Variants in PHKB observed in about 807,000 individuals in gnomAD.
PHKB encodes phosphorylase b kinase regulatory subunit beta.
In PHKB, 122 loss-of-function variants were observed where a neutral mutation model predicts 152.1. That is an observed-to-expected ratio of 0.80 (90% CI 0.69 to 0.93). PHKB has a LOEUF of 0.93. Among genes scored for constraint, PHKB ranks in the 40% least tolerant of loss-of-function variants. PHKB has a pLI of 0.00. For synonymous variants in PHKB, 436 were observed against 464.9 expected (o/e 0.94, Z 0.80); for missense variants, 1,304 against 1,328.4 (o/e 0.98, Z 0.29).
At chr16:47,600,808 G>A (rs910132804) in intron 13 of PHKB, among the ~76,000 whole-genome samples, 1 of 152,166 alleles carries the variant, frequency 6.6e-6, no homozygotes, top group African/African-American at 2.4e-5. Flanking sequence ...TAATCTTATG[G>A]GACATCTTTA....
intron 6 of PHKB, among the ~76,000 whole-genome samples, chr16:47,546,052 G>A (rs1024667793): frequency 5.3e-5 from 8 of 152,186 alleles, no homozygotes; most frequent in South Asian, 4.1e-4. Context: ...CCGTTAGCTC[G>A]GATAATTTTG....
At chr16:47,682,170 C>T (rs919349858) in intron 26 of PHKB, among the ~76,000 whole-genome samples, 1 of 152,196 alleles carries the variant, frequency 6.6e-6, no homozygotes, top group East Asian at 1.9e-4. Context: ...GTTACCCGAC[C>T]TTTCTCTCTG....
intron 7 of PHKB, among the ~76,000 whole-genome samples, chr16:47,570,320 C>G (rs1335763916): frequency 6.6e-6 from 1 of 152,184 alleles, no homozygotes; most frequent in Non-Finnish European, 1.5e-5. Flanking sequence ...ATTTGGATGT[C>G]TAAATCTCTA....
Position 47,629,991 on chromosome 16 carries a change from A to G in PHKB, c.1459-11044A>G, listed in dbSNP as rs201895064. Among the ~76,000 whole-genome samples the G allele has an allele frequency of 2.1e-5, 3 of 141,446 alleles. No homozygotes were observed. In the East Asian group the frequency reaches 6.6e-4, roughly 31 times the overall value. The allele number at this position is 141,446 out of a possible 152,430, so 92.8% of individuals were successfully genotyped here. A position where few individuals can be genotyped will look rare whatever the true frequency, so the allele number is the denominator to read the frequency against. ...CTGAACAATGAGAACACATGGACAC[A>G]GGAAGGGGAACATCACACTCTGGGG... is the stretch of plus-strand genomic sequence containing the variant. On this transcript the variant is annotated intron_variant, in intron 14 of 30. Transcript: ENST00000323584.
intron 26 of PHKB, among the ~76,000 whole-genome samples, chr16:47,671,499 T>C (rs139685690): frequency 6.6e-6 from 1 of 152,340 alleles, no homozygotes. Flanking sequence ...ATATTTACCA[T>C]GCTTTCTTAT....
At chr16:47,481,885 C>T (rs1282492739) in intron 1 of PHKB, among the ~76,000 whole-genome samples, 2 of 152,118 alleles carry the variant, frequency 1.3e-5, no homozygotes, top group Admixed American at 6.5e-5. Context: ...TTTCCATGAC[C>T]TTTTAGCTAT....
At position 47,566,810 on chromosome 16, in the gene PHKB, T is replaced by C. The variant is rs545504767; in HGVS notation, c.711-13485T>C. The C allele has an allele frequency of 1.7e-5, 12 of 725,526 alleles. No individual in the cohort carries two copies. In the Admixed American group the frequency reaches 1.7e-4, roughly 11 times the overall value. 44.9% of individuals were successfully genotyped at this position (725,526 alleles called of 1,614,324 possible). On this transcript the variant is annotated intron_variant, in intron 7 of 30. Coordinates refer to ENST00000323584, the MANE Select transcript of PHKB (RefSeq NM_000293.3). ...CTGGTTTGGAAACATAAGTGCTTCC[T>C]CCACCAGTCCCTCCATCCTCAGCCA... is the stretch of plus-strand genomic sequence containing the variant.
At chr16:47,498,104 C>G (rs1338678095) in intron 2 of PHKB, among the ~76,000 whole-genome samples, 1 of 152,098 alleles carries the variant, frequency 6.6e-6, no homozygotes, top group Non-Finnish European at 1.5e-5. Context: ...TTTACTTGTA[C>G]TAGGATGGCA....
At chr16:47,558,777 G>A (rs1249126556) in intron 7 of PHKB, among the ~76,000 whole-genome samples, 1 of 152,214 alleles carries the variant, frequency 6.6e-6, no homozygotes, top group Non-Finnish European at 1.5e-5. Context: ...TTGAGCCCCT[G>A]ACCTCAAGTG....
chr16:47,692,835 A>C (rs1185886178), intron 27 of PHKB, among the ~76,000 whole-genome samples: 1 of 152,202 alleles, frequency 6.6e-6, no homozygotes, highest in East Asian at 1.9e-4. Flanking sequence ...AGAGAACTTT[A>C]GCTATGTCTA....
chr16:47,609,850 C>CT (rs370467657), intron 13 of PHKB, among the ~76,000 whole-genome samples: 4 of 152,078 alleles, frequency 2.6e-5, no homozygotes, highest in Non-Finnish European at 5.9e-5. Context: ...TTTTATTGAG[C>CT]TTTTTAAGAA....
chr16:47,698,396 C>CATGTCACT, intron 29 of PHKB, 52 bp from the exon 30 acceptor site: 2 of 1,376,270 alleles, frequency 1.5e-6, no homozygotes, highest in Non-Finnish European at 2.1e-6. Context: ...AGGGTGAAAA[C>CATGTCACT]ATGTCACTAT....
At chr16:47,679,675 A>G (rs1973810245) in intron 26 of PHKB, among the ~76,000 whole-genome samples, 1 of 152,246 alleles carries the variant, frequency 6.6e-6, no homozygotes, top group Non-Finnish European at 1.5e-5. Flanking sequence ...TTGGGCTAAG[A>G]CAATGGGGTT....
In PHKB at chr16:47,693,505, C is replaced by G. The variant is rs199657117; in HGVS notation, c.2893C>G (p.Gln965Glu). ...GIIVAGKHLP[Q>E]QPTLSDMTMY... ...CATTGTTGCTGGGAAGCATTTGCCT[C>G]AGGTAAAGCCCCACCATGTTCACAT... Residue 965 changes from glutamine (Q) to glutamate (E), a missense_variant and splice_region_variant, in exon 28 of 31, where the codon CAG (glutamine) becomes GAG (glutamate). By Grantham distance (29) the Gln-to-Glu change is conservative (BLOSUM62 2). Transcript: ENST00000323584. 1.2e-6 allele frequency: 2 copies of G among 1,613,984 alleles called. No individual in the cohort carries two copies. The highest frequency in any genetic ancestry group is 1.7e-6 in the Non-Finnish European group (2 of 1,179,954).
At chr16:47,597,687 T>C (rs1163046111) in intron 13 of PHKB, 1 of 150,088 alleles carries the variant, frequency 6.7e-6, no homozygotes, top group Non-Finnish European at 1.5e-5. Context: ...TCTTTTTTTT[T>C]TTTTTTTTTT....
intron 19 of PHKB, 95 bp from the exon 20 acceptor site, chr16:47,650,736 G>A (rs1318701929): frequency 1.3e-5 from 16 of 1,229,568 alleles, no homozygotes; most frequent in South Asian, 3.6e-5. Flanking sequence ...AGTATGTGGT[G>A]GAATACTTTG....
intron 5 of PHKB, among the ~76,000 whole-genome samples, chr16:47,512,485 T>A (rs1305633561): frequency 1.3e-5 from 2 of 152,222 alleles, no homozygotes; most frequent in Non-Finnish European, 2.9e-5. Flanking sequence ...TTCACAGTGG[T>A]GTCATAGCAA....
chr16:47,469,543 A>C, intron 1 of PHKB, among the ~76,000 whole-genome samples: 1 of 152,166 alleles, frequency 6.6e-6, no homozygotes, highest in East Asian at 1.9e-4. Flanking sequence ...GTGGGAGCTA[A>C]ACATTGGGTA....
chr16:47,506,234 A>G (rs900738486), intron 4 of PHKB, among the ~76,000 whole-genome samples: 7 of 151,840 alleles, frequency 4.6e-5, no homozygotes, highest in African/African-American at 1.7e-4. Context: ...AGTGATAACA[A>G]GTCTTCTTCT....
Sources: gnomAD v4.1 joint callset for allele counts (sites outside exome capture counted in the v4.1 genomes callset) on GRCh38, gnomAD v4.1.1 for gene constraint, MANE v1.5 for transcripts, NCBI Gene and HGNC (gene_info 2026-07-23, HGNC 2026-07-21) for gene names.